Variants in PCSK2 observed in about 807,000 individuals in gnomAD.
PCSK2 encodes the protein proprotein convertase subtilisin/kexin type 2, also known as neuroendocrine convertase 2.
A neutral mutation model predicts 69.7 loss-of-function variants in PCSK2; 14 were observed. That is an observed-to-expected ratio of 0.20 (90% CI 0.13 to 0.31). PCSK2 has a LOEUF of 0.31. PCSK2 is among the 10% of genes least tolerant of loss of function. The pLI, the probability that PCSK2 is intolerant of heterozygous loss-of-function variation, is 1.00. For missense variants in PCSK2, 544 were observed against 842.5 expected, an observed-to-expected ratio of 0.65 and a Z score of 4.39; for synonymous variants, 307 against 320.7, an observed-to-expected ratio of 0.96 and a Z score of 0.46.
At chr20:17,344,404 T>A (rs569396056) in intron 2 of PCSK2, among the ~76,000 whole-genome samples, 1 of 152,256 alleles carries the variant, frequency 6.6e-6, no homozygotes, top group South Asian at 2.1e-4. Context: ...TGGCAATGCA[T>A]GAAATATGAA....
At chr20:17,433,561 G>A (rs920497710) in intron 7 of PCSK2, among the ~76,000 whole-genome samples, 45 of 152,180 alleles carry the variant, frequency 3.0e-4, no homozygotes, top group Non-Finnish European at 3.7e-4. Context: ...TGCAGCCCCC[G>A]GGGCACCAGG....
intron 5 of PCSK2, among the ~76,000 whole-genome samples, chr20:17,390,505 G>A (rs2031344874): frequency 6.6e-6 from 1 of 152,200 alleles, no homozygotes; most frequent in Non-Finnish European, 1.5e-5. Flanking sequence ...GGAAGAATGA[G>A]TGGAGAAGCC....
At chr20:17,412,882 T>C (rs1316814844) in intron 6 of PCSK2, among the ~76,000 whole-genome samples, 1 of 152,200 alleles carries the variant, frequency 6.6e-6, no homozygotes, top group African/African-American at 2.4e-5. Context: ...ATATTCAACA[T>C]TCTTAAAGAA....
chr20:17,234,462 C>A (rs1322091201), intron 1 of PCSK2, among the ~76,000 whole-genome samples: 1 of 152,182 alleles, frequency 6.6e-6, no homozygotes, highest in African/African-American at 2.4e-5. Flanking sequence ...GAATCCATTT[C>A]TCTATAGGCA....
intron 7 of PCSK2, 122 bp from the exon 8 acceptor site, chr20:17,436,586 C>A: frequency 1.3e-6 from 1 of 762,424 alleles, no homozygotes; most frequent in Non-Finnish European, 2.2e-6. Context: ...TGCACAGTGG[C>A]CCCAGAGCAC....
At chr20:17,347,633 G>A (rs971764680) in intron 2 of PCSK2, among the ~76,000 whole-genome samples, 4 of 151,972 alleles carry the variant, frequency 2.6e-5, no homozygotes, top group Non-Finnish European at 4.4e-5. Flanking sequence ...TGTCAGTGTC[G>A]GTTCAGCACG....
chr20:17,437,146 G>GA (rs776493665), intron 8 of PCSK2, among the ~76,000 whole-genome samples: 14 of 148,974 alleles, frequency 9.4e-5, no homozygotes, highest in Non-Finnish European at 1.9e-4. Flanking sequence ...CCGGGGGGGG[G>GA]AGGGTCTCAG....
At chr20:17,246,471 C>T (rs114723612) in intron 1 of PCSK2, among the ~76,000 whole-genome samples, 212 of 151,988 alleles carry the variant, frequency 1.4e-3, no homozygotes, top group African/African-American at 4.8e-3. Flanking sequence ...AATCAGTCTT[C>T]GATAGTAAGT....
At chr20:17,362,339 G>A (rs1426982467) in intron 4 of PCSK2, among the ~76,000 whole-genome samples, 1 of 152,188 alleles carries the variant, frequency 6.6e-6, no homozygotes, top group East Asian at 1.9e-4. Flanking sequence ...GTCAATTACT[G>A]CTGCAGAACA....
intron 2 of PCSK2, among the ~76,000 whole-genome samples, chr20:17,265,770 A>T (rs1190816148): frequency 2.6e-5 from 4 of 152,190 alleles, no homozygotes; most frequent in Admixed American, 2.0e-4. Flanking sequence ...GCTCCTCTGC[A>T]CAAAGAGAAT....
intron 2 of PCSK2, among the ~76,000 whole-genome samples, chr20:17,288,640 T>A (rs1014432972): frequency 1.3e-5 from 2 of 152,126 alleles, no homozygotes; most frequent in Admixed American, 1.3e-4. Flanking sequence ...TAATCCAATA[T>A]AATGGGTAAA....
chr20:17,408,633 A>C (rs1038753042), intron 5 of PCSK2, among the ~76,000 whole-genome samples: 2 of 152,254 alleles, frequency 1.3e-5, no homozygotes, highest in Admixed American at 1.3e-4. Flanking sequence ...TATAAGTTAC[A>C]TAAGGGCAGG....
chr20:17,315,042 A>G (rs1341102739), intron 2 of PCSK2, among the ~76,000 whole-genome samples: 1 of 152,220 alleles, frequency 6.6e-6, no homozygotes, highest in Non-Finnish European at 1.5e-5. Flanking sequence ...AGCCAGGGCC[A>G]TAAGCACTTA....
chr20:17,471,675 G>A (rs774169915), intron 11 of PCSK2, among the ~76,000 whole-genome samples: 7 of 152,186 alleles, frequency 4.6e-5, no homozygotes, highest in African/African-American at 1.2e-4. Flanking sequence ...CCGGTCCCTC[G>A]TCCACCCCCA....
In PCSK2 at chr20:17,373,377, G is replaced by A. The variant is rs74532864; in HGVS notation, c.543+4100G>A. ...GCTGGGGTATTTATGTGACAACTTC[G>A]TCAGTCATTGGTTGAGGGCTTGTCC... On this transcript the variant is annotated intron_variant, in intron 5 of 11. Transcript: ENST00000262545. 7.1e-3 allele frequency among the ~76,000 whole-genome samples: 1,076 copies of A among 152,222 alleles called. 12 individuals are homozygous for A. Among genetic ancestry groups the A allele is most frequent in the African/African-American group, 0.024 (996 of 41,518 alleles).
chr20:17,430,501 A>G (rs2032342038), intron 7 of PCSK2, among the ~76,000 whole-genome samples: 1 of 152,192 alleles, frequency 6.6e-6, no homozygotes, highest in South Asian at 2.1e-4. Flanking sequence ...GGTAACCTAT[A>G]CAAACCCACT....
intron 2 of PCSK2, among the ~76,000 whole-genome samples, chr20:17,332,474 T>A (rs1212693110): frequency 2.6e-5 from 4 of 152,112 alleles, no homozygotes. Context: ...AAGAAAGAGA[T>A]CACTGATGAA....
intron 5 of PCSK2, among the ~76,000 whole-genome samples, chr20:17,380,642 C>G (rs2031062118): frequency 6.6e-6 from 1 of 152,058 alleles, no homozygotes; most frequent in East Asian, 1.9e-4. Flanking sequence ...CATAAGACAC[C>G]CTCAATAAGC....
chr20:17,317,150 A>C (rs1390733545), intron 2 of PCSK2, among the ~76,000 whole-genome samples: 1 of 152,170 alleles, frequency 6.6e-6, no homozygotes, highest in East Asian at 1.9e-4. Context: ...AGGTAAATCA[A>C]CTTAGCCTCT....
Sources: allele counts gnomAD v4.1 joint callset (sites outside exome capture counted in the v4.1 genomes callset), GRCh38; gene constraint gnomAD v4.1.1; transcripts MANE v1.5; gene names NCBI Gene and HGNC (gene_info 2026-07-23, HGNC 2026-07-21).